Variants in USP26 observed in about 807,000 individuals in gnomAD.
USP26 encodes ubiquitin specific peptidase 26, also known as ubiquitin carboxyl-terminal hydrolase 26.
For missense variants in USP26, 649 were observed against 642.3 expected, an observed-to-expected ratio of 1.01 and a Z score of -0.11; for synonymous variants, 236 against 240.6, an observed-to-expected ratio of 0.98 and a Z score of 0.18.
At chrX:133,040,214 T>C (rs1192536135) in intron 5 of USP26, among the ~76,000 whole-genome samples, 1 of 112,071 alleles carries the variant, frequency 8.9e-6, no homozygotes. Flanking sequence ...ATTGTTATGT[T>C]TGAATTTGAT....
rs1227567771 is a variant in USP26 at position 133,090,775 on chromosome X, CAA to C, written c.-301-14_-301-13del. On this transcript the variant is annotated splice_polypyrimidine_tract_variant and intron_variant, in intron 2 of 5. Coordinates refer to ENST00000511190, the MANE Select transcript of USP26 (RefSeq NM_031907.3). ...ACAGAGACTATGACCTGGACAGGCA[CAA>C]GAGAGAGCATTTATTATATGGGAGC... 8.9e-6 allele frequency: 1 copy of C among 112,071 alleles called. No homozygotes were observed. The highest frequency in any genetic ancestry group is 2.8e-4 in the East Asian group (1 of 3,568). The allele number at this position is 112,071 out of a possible 1,213,427, so 9.2% of individuals were successfully genotyped here.
chrX:133,096,357 TGAA>T (rs1386389227), intron 1 of USP26, among the ~76,000 whole-genome samples: 5 of 111,386 alleles, frequency 4.5e-5, no homozygotes. Context: ...GGAGGCTATC[TGAA>T]GTTGTCAATG....
At chrX:133,088,154 A>G (rs959026408) in intron 4 of USP26, among the ~76,000 whole-genome samples, 2 of 111,246 alleles carry the variant, frequency 1.8e-5, no homozygotes, top group Admixed American at 9.6e-5. Flanking sequence ...TGGGTGACAG[A>G]GTGAGACCCT....
chrX:133,035,461 G>A (rs112439714), intron 5 of USP26, among the ~76,000 whole-genome samples: 17 of 111,965 alleles, frequency 1.5e-4, no homozygotes, highest in African/African-American at 5.2e-4. Flanking sequence ...ATTTGGTAAT[G>A]CCTCCCATGA....
At chrX:133,041,846 G>T (rs772419666) in intron 5 of USP26, among the ~76,000 whole-genome samples, 34 of 112,269 alleles carry the variant, frequency 3.0e-4, no homozygotes, top group Non-Finnish European at 5.5e-4. Flanking sequence ...GTCCTAGGGA[G>T]ATGAGAGTTT....
chrX:133,063,246 C>T (rs1223810982), intron 5 of USP26, among the ~76,000 whole-genome samples: 2 of 111,162 alleles, frequency 1.8e-5, no homozygotes, highest in Non-Finnish European at 3.8e-5. Flanking sequence ...ACCAAACCTA[C>T]GATTGATTGG....
chrX:133,093,476 A>C lies in USP26; in HGVS notation c.-392-2033T>G, dbSNP rs777085146. The stretch of plus-strand genomic sequence containing the variant: ...GGAGCTTAAAGTCTATTGAGGAGGA[A>C]GAAAAATTAGCCAGGCATGGTGGCA... On this transcript the variant is annotated intron_variant, in intron 1 of 5. Transcript: ENST00000511190. 2.1e-3 allele frequency among the ~76,000 whole-genome samples: 235 copies of C among 110,167 alleles called. 2 individuals carry two copies. Among genetic ancestry groups the C allele is most frequent in the African/African-American group, 7.3e-3 (220 of 30,257 alleles).
intron 3 of USP26, among the ~76,000 whole-genome samples, chrX:133,090,472 T>G (rs1602992822): frequency 8.9e-6 from 1 of 112,461 alleles, no homozygotes; most frequent in East Asian, 2.8e-4. Context: ...ACTCCAGAAG[T>G]GTAAACTTTG....
At chrX:133,035,005 C>T (rs1832530819) in intron 5 of USP26, among the ~76,000 whole-genome samples, 1 of 111,714 alleles carries the variant, frequency 9.0e-6, no homozygotes, top group Admixed American at 9.5e-5. Flanking sequence ...CATCTTACAC[C>T]CTGGCTGGAT....
chrX:133,053,647 G>A (rs1299875708), intron 5 of USP26, among the ~76,000 whole-genome samples: 2 of 111,204 alleles, frequency 1.8e-5, no homozygotes, highest in Non-Finnish European at 3.8e-5. Flanking sequence ...ATTTTTTAAT[G>A]TGAAAACTCA....
chrX:133,053,537 TAAAAAAAAA>T (rs1403278998), intron 5 of USP26, among the ~76,000 whole-genome samples: 1 of 90,889 alleles, frequency 1.1e-5, no homozygotes, highest in Non-Finnish European at 2.2e-5. Flanking sequence ...GACTCTTTTT[TAAAAAAAAA>T]AAAAAAAGGA....
At chrX:133,028,578 T>G (rs1313695711) in intron 5 of USP26, among the ~76,000 whole-genome samples, 1 of 112,246 alleles carries the variant, frequency 8.9e-6, no homozygotes, top group Non-Finnish European at 1.9e-5. Flanking sequence ...CTACATGTAG[T>G]TTCCACCAAA....
rs374318478 is a variant in USP26, at chrX:133,027,595, T to C, written c.626A>G (p.Asp209Gly). 2 of 1,208,881 alleles carry C rather than the reference T, an allele frequency of 1.7e-6. No homozygotes were observed. The highest frequency in any genetic ancestry group is 1.7e-5 in the African/African-American group (1 of 57,299). Residue 209 changes from aspartate (D) to glycine (G), a missense_variant, in exon 6 of 6, where the codon GAT (aspartate) becomes GGT (glycine). Transcript: ENST00000511190. ...ATTATAGCTTACACACCTCGAACAA[T>C]CTGCCTTGGATTTCTTGTATTCTAC... Reference protein sequence around the residue: ...NSVEYKKSKADCSRCVSYNRE... With the variant: ...NSVEYKKSKAGCSRCVSYNRE...
intron 5 of USP26, among the ~76,000 whole-genome samples, chrX:133,067,879 TA>T (rs1385656729): frequency 3.6e-5 from 4 of 111,374 alleles, no homozygotes; most frequent in Non-Finnish European, 5.7e-5. Flanking sequence ...TCCCAGAACT[TA>T]AAGTAAAGTT....
intron 5 of USP26, among the ~76,000 whole-genome samples, chrX:133,033,449 T>C (rs1448693495): frequency 1.8e-5 from 2 of 112,416 alleles, no homozygotes; most frequent in African/African-American, 6.5e-5. Flanking sequence ...CCATGAACTA[T>C]TCAAGTTTGA....
chrX:133,047,061 G>A (rs767709875), intron 5 of USP26, among the ~76,000 whole-genome samples: 1 of 111,878 alleles, frequency 8.9e-6, no homozygotes, highest in Admixed American at 9.5e-5. Flanking sequence ...TCAAAAATAA[G>A]AGTTTAAACC....
intron 5 of USP26, among the ~76,000 whole-genome samples, chrX:133,031,084 T>C (rs945945387): frequency 8.9e-6 from 1 of 111,777 alleles, no homozygotes; most frequent in Non-Finnish European, 1.9e-5. Flanking sequence ...GTGGTGTGTG[T>C]TTTAATTATC....
intron 4 of USP26, among the ~76,000 whole-genome samples, chrX:133,088,068 G>A (rs1206255842): frequency 8.9e-6 from 1 of 111,760 alleles, no homozygotes; most frequent in Non-Finnish European, 1.9e-5. Context: ...TACTCAGGGG[G>A]CTGAGGCATG....
intron 1 of USP26, among the ~76,000 whole-genome samples, chrX:133,092,926 T>C (rs1416631770): frequency 9.0e-6 from 1 of 111,478 alleles, no homozygotes; most frequent in Non-Finnish European, 1.9e-5. Context: ...GTCATTCAGA[T>C]GCTAGATAAT....
Sources: allele counts gnomAD v4.1 joint callset (sites outside exome capture counted in the v4.1 genomes callset), GRCh38; gene constraint gnomAD v4.1.1; transcripts MANE v1.5; gene names NCBI Gene and HGNC (gene_info 2026-07-23, HGNC 2026-07-21).